ESRRG: variants seen among roughly 807,000 people sequenced by gnomAD.
ESRRG encodes the protein estrogen related receptor gamma, also known as estrogen-related receptor gamma.
ESRRG carries 13 observed loss-of-function variants against 44.0 expected under a neutral mutation model. That is an observed-to-expected ratio of 0.30 (90% CI 0.19 to 0.47). ESRRG has a LOEUF of 0.47. Ranked by LOEUF, ESRRG falls within the 20% of genes least tolerant of loss-of-function variation. The pLI is 1.00. For synonymous variants in ESRRG, 215 were observed against 214.6 expected (o/e 1.00, Z -0.02); for missense variants, 395 against 580.6 (o/e 0.68, Z 3.29).
intron 3 of ESRRG, among the ~76,000 whole-genome samples, chr1:216,600,977 A>C (rs557435037): frequency 3.9e-5 from 6 of 152,140 alleles, no homozygotes; most frequent in Non-Finnish European, 8.8e-5. Context: ...ATCTCAAATT[A>C]TGAGGGAGAA....
chr1:216,918,841 T>C (rs953176317), intron 2 of ESRRG, among the ~76,000 whole-genome samples: 1 of 148,380 alleles, frequency 6.7e-6, no homozygotes, highest in Non-Finnish European at 1.5e-5. Flanking sequence ...ATCGTAGATA[T>C]ATATATAATA....
intron 2 of ESRRG, among the ~76,000 whole-genome samples, chr1:216,919,632 A>G (rs1202544115): frequency 6.6e-6 from 1 of 152,218 alleles, no homozygotes; most frequent in African/African-American, 2.4e-5. Flanking sequence ...CTATCACCAT[A>G]GCTAGGCCCC....
intron 2 of ESRRG, among the ~76,000 whole-genome samples, chr1:216,832,176 A>AT (rs1227549435): frequency 1.3e-5 from 2 of 152,150 alleles, no homozygotes; most frequent in African/African-American, 4.8e-5. Context: ...ATTTTGATTA[A>AT]TTTTTTCCCT....
At chr1:217,079,493 T>G (rs529164146) in intron 1 of ESRRG, among the ~76,000 whole-genome samples, 1 of 152,318 alleles carries the variant, frequency 6.6e-6, no homozygotes, top group African/African-American at 2.4e-5. Flanking sequence ...CACTATTGTT[T>G]AGGAATAATG....
chr1:217,130,729 CA>C (rs1459341450), intron 1 of ESRRG, among the ~76,000 whole-genome samples: 1 of 152,096 alleles, frequency 6.6e-6, no homozygotes, highest in Non-Finnish European at 1.5e-5. Context: ...TTTCAGAAAT[CA>C]GTAACTTGAA....
chr1:217,024,799 C>T (rs1470466879), intron 1 of ESRRG, among the ~76,000 whole-genome samples: 1 of 152,178 alleles, frequency 6.6e-6, no homozygotes, highest in African/African-American at 2.4e-5. Context: ...ATATTCACAA[C>T]AGCTCTATGA....
At chr1:216,701,472 T>C (rs1489940545) in intron 1 of ESRRG, 1 of 152,222 alleles carries the variant, frequency 6.6e-6, no homozygotes, top group Non-Finnish European at 1.5e-5. Flanking sequence ...TTTGCATTCA[T>C]CAGCAGACCT....
intron 5 of ESRRG, among the ~76,000 whole-genome samples, chr1:216,542,882 A>C (rs2053316360): frequency 6.6e-6 from 1 of 151,768 alleles, no homozygotes; most frequent in Non-Finnish European, 1.5e-5. Flanking sequence ...GTTTATTTGC[A>C]CTCAAATCTT....
At chr1:216,566,642 C>T (rs1035239445) in intron 4 of ESRRG, among the ~76,000 whole-genome samples, 1 of 152,136 alleles carries the variant, frequency 6.6e-6, no homozygotes, top group African/African-American at 2.4e-5. Context: ...AACTAAACCT[C>T]TAATGAAATT....
chr1:217,042,314 T>A (rs1308923252), intron 1 of ESRRG, among the ~76,000 whole-genome samples: 1 of 152,150 alleles, frequency 6.6e-6, no homozygotes, highest in Non-Finnish European at 1.5e-5. Context: ...ATTTCAAATC[T>A]AACCTTGTCC....
At chr1:216,744,589 G>A (rs2820877) in intron 2 of ESRRG, among the ~76,000 whole-genome samples, 50,482 of 151,912 alleles carry the variant, frequency 0.33, 9,309 homozygotes, top group East Asian at 0.51. Flanking sequence ...TTCAAAATTT[G>A]TCCAACAATT....
chr1:216,963,572 A>G (rs541603127), intron 1 of ESRRG, among the ~76,000 whole-genome samples: 4 of 152,312 alleles, frequency 2.6e-5, no homozygotes, highest in East Asian at 1.9e-4. Flanking sequence ...AGACTTGTCT[A>G]TCCTCCTCTA....
chr1:216,616,702 C>T (rs2061470502), intron 3 of ESRRG, among the ~76,000 whole-genome samples: 1 of 121,188 alleles, frequency 8.3e-6, no homozygotes, highest in African/African-American at 3.9e-5. Flanking sequence ...TCTCACTTTC[C>T]TCCCTCTTCT....
At chr1:217,020,685 G>T (rs181635531) in intron 1 of ESRRG, among the ~76,000 whole-genome samples, 1 of 152,112 alleles carries the variant, frequency 6.6e-6, no homozygotes, top group African/African-American at 2.4e-5. Flanking sequence ...TCTTTCTCTC[G>T]TTTAAGACTT....
intron 3 of ESRRG, among the ~76,000 whole-genome samples, chr1:216,624,778 A>G (rs1047075519): frequency 2.6e-5 from 4 of 152,116 alleles, no homozygotes; most frequent in African/African-American, 9.7e-5. Context: ...ATTACCTAAA[A>G]CCCAGCATAC....
chr1:216,645,518 T>A (rs778096898), intron 3 of ESRRG, among the ~76,000 whole-genome samples: 6 of 152,116 alleles, frequency 3.9e-5, no homozygotes, highest in Non-Finnish European at 8.8e-5. Context: ...CTCTTAGAGA[T>A]GAATGGACTT....
At chr1:216,901,252 A>C (rs1287718770) in intron 2 of ESRRG, among the ~76,000 whole-genome samples, 2 of 152,252 alleles carry the variant, frequency 1.3e-5, no homozygotes, top group African/African-American at 4.8e-5. Context: ...CCCCCAAGTA[A>C]AGAATTAGAG....
chr1:217,025,517 A>C (rs1000066558), intron 1 of ESRRG, among the ~76,000 whole-genome samples: 5 of 152,218 alleles, frequency 3.3e-5, no homozygotes, highest in Non-Finnish European at 7.3e-5. Flanking sequence ...TTTCAAAGAC[A>C]GTGGGGAAAT....
Position 216,568,053 on chromosome 1 carries a change from C to T in ESRRG, c.635G>A (p.Arg212His), listed in dbSNP as rs760328973. The T allele has an allele frequency of 5.0e-6, 8 of 1,613,780 alleles. No individual in the cohort carries two copies. The highest frequency in any genetic ancestry group is 1.1e-5 in the South Asian group (1 of 91,088). Reference sequence around the variant, plus strand: ...TGGGCTGTTCTCCGCATCTATCCTGCGCTTGTACTTCTGCCGACCTCCACG... The same window carrying T: ...TGGGCTGTTCTCCGCATCTATCCTGTGCTTGTACTTCTGCCGACCTCCACG... The part of the protein sequence containing the change: ...RVRGGRQKYK[R>H]RIDAENSPYL... Residue 212 changes from arginine to histidine, a missense_variant, in exon 4 of 7, where the codon CGC becomes CAC. Transcript: ENST00000408911.
Sources: gnomAD v4.1 joint callset for allele counts (sites outside exome capture counted in the v4.1 genomes callset) on GRCh38, gnomAD v4.1.1 for gene constraint, MANE v1.5 for transcripts, NCBI Gene and HGNC (gene_info 2026-07-23, HGNC 2026-07-21) for gene names.